Variants in ADAMTSL1 observed in about 807,000 individuals in gnomAD.
ADAMTSL1 encodes ADAMTS-like protein 1.
ADAMTSL1 carries 126 observed loss-of-function variants against 201.8 expected under a neutral mutation model. The ratio of observed to expected loss-of-function variants is 0.62; its 90% CI spans 0.54 to 0.72. The LOEUF is 0.72. Among genes scored for constraint, ADAMTSL1 ranks in the 30% least tolerant of loss-of-function variants. The pLI, the probability that ADAMTSL1 is intolerant of heterozygous loss-of-function variation, is 0.00. For synonymous variants in ADAMTSL1, 1,121 were observed against 903.4 expected (o/e 1.24, Z -4.32); for missense variants, 2,679 against 2,277.8 (o/e 1.18, Z -3.59).
intron 2 of ADAMTSL1, among the ~76,000 whole-genome samples, chr9:18,372,678 C>G (rs1837098718): frequency 6.6e-6 from 1 of 152,182 alleles, no homozygotes; most frequent in Non-Finnish European, 1.5e-5. Context: ...GCTCTATCAT[C>G]AGGGTCTTTT....
chr9:18,703,623 A>G (rs1045315871), intron 13 of ADAMTSL1, among the ~76,000 whole-genome samples: 9 of 148,442 alleles, frequency 6.1e-5, no homozygotes. Flanking sequence ...TGGGAGACAT[A>G]AAACAGATGT....
At chr9:18,907,592 A>T (rs1563910731) in intron 28 of ADAMTSL1, 1 of 152,346 alleles carries the variant, frequency 6.6e-6, no homozygotes, top group East Asian at 1.9e-4. Context: ...TAAAAACCAA[A>T]TGTAGCTGTG....
chr9:18,385,093 G>C (rs535713900), intron 2 of ADAMTSL1, among the ~76,000 whole-genome samples: 1 of 152,220 alleles, frequency 6.6e-6, no homozygotes, highest in East Asian at 1.9e-4. Context: ...ACAGTCAAAT[G>C]GGGTCACATT....
intron 16 of ADAMTSL1, among the ~76,000 whole-genome samples, chr9:18,762,745 A>G (rs1033125496): frequency 2.0e-5 from 3 of 152,060 alleles, no homozygotes; most frequent in African/African-American, 7.2e-5. Flanking sequence ...AAGTGAGAAC[A>G]TGTGATGTTT....
intron 2 of ADAMTSL1, among the ~76,000 whole-genome samples, chr9:18,402,087 C>T (rs1818009501): frequency 6.6e-6 from 1 of 152,196 alleles, no homozygotes; most frequent in South Asian, 2.1e-4. Context: ...ACCGAAATCT[C>T]TGCCTTCACC....
At chr9:18,551,093 AG>A (rs1444697715) in intron 3 of ADAMTSL1, among the ~76,000 whole-genome samples, 1 of 151,952 alleles carries the variant, frequency 6.6e-6, no homozygotes, top group Non-Finnish European at 1.5e-5. Context: ...AGAATCAAAA[AG>A]GATGGTAGAC....
intron 1 of ADAMTSL1, among the ~76,000 whole-genome samples, chr9:18,117,323 A>T (rs760573536): frequency 6.6e-6 from 1 of 152,074 alleles, no homozygotes; most frequent in African/African-American, 2.4e-5. Flanking sequence ...GTCTGACATC[A>T]TCTGGCCCTC....
intron 15 of ADAMTSL1, among the ~76,000 whole-genome samples, chr9:18,733,139 G>A (rs1445127023): frequency 6.6e-6 from 1 of 152,150 alleles, no homozygotes; most frequent in African/African-American, 2.4e-5. Flanking sequence ...CTCTCACACT[G>A]TCCTGGGTAC....
At chr9:18,076,049 A>T (rs1332754355) in intron 1 of ADAMTSL1, among the ~76,000 whole-genome samples, 1 of 152,230 alleles carries the variant, frequency 6.6e-6, no homozygotes, top group Non-Finnish European at 1.5e-5. Context: ...GAATGAGGAT[A>T]TTAGTTTTTC....
At chr9:17,941,716 C>G (rs1268475351) in intron 1 of ADAMTSL1, among the ~76,000 whole-genome samples, 1 of 152,080 alleles carries the variant, frequency 6.6e-6, no homozygotes. Context: ...AAATAGACTG[C>G]TGTCTTAGTC....
Position 18,461,597 on chromosome 9 carries a change from C to T in ADAMTSL1, c.208-43232C>T, listed in dbSNP as rs375766497. Reference sequence around the variant, plus strand: ...AATCTACCTAACCTCTTGTATTATTCCACTGGTATTCTAGAATAAAGTTTA... The same window carrying T: ...AATCTACCTAACCTCTTGTATTATTTCACTGGTATTCTAGAATAAAGTTTA... On this transcript the variant is annotated intron_variant, in intron 2 of 29. Coordinates refer to the ADAMTSL1 transcript ENST00000680146. 1.2e-4 allele frequency among the ~76,000 whole-genome samples: 19 copies of T among 152,026 alleles called. 1 individual carries two copies. In the South Asian group the frequency reaches 3.7e-3, roughly 30 times the overall value.
chr9:18,729,007 T>G (rs1234692486), intron 15 of ADAMTSL1, among the ~76,000 whole-genome samples: 3 of 152,224 alleles, frequency 2.0e-5, no homozygotes, highest in African/African-American at 7.2e-5. Flanking sequence ...CTTTTTCTCA[T>G]GTAGAGTCAA....
intron 1 of ADAMTSL1, among the ~76,000 whole-genome samples, chr9:18,493,350 TCTTTA>T (rs1393850973): frequency 1.3e-5 from 2 of 152,204 alleles, no homozygotes; most frequent in Non-Finnish European, 2.9e-5. Context: ...TAATAAGTAT[TCTTTA>T]CTTCTTTTTA....
intron 2 of ADAMTSL1, among the ~76,000 whole-genome samples, chr9:18,180,532 C>CAAAAAA (rs71333030): frequency 2.2e-5 from 2 of 92,128 alleles, no homozygotes; most frequent in Non-Finnish European, 2.0e-5. Context: ...GACTCCGTGT[C>CAAAAAA]AAAAAAAAAA....
In ADAMTSL1 at chr9:17,988,727, A is replaced by C. The variant is rs975554151; in HGVS notation, c.87+81805A>C. Among the ~76,000 whole-genome samples, 8 of 152,076 alleles carry C rather than the reference A, an allele frequency of 5.3e-5. No homozygotes were observed. The South Asian group carries it at 8.3e-4, about 16-fold the overall frequency. ...TCAGCATGAATGTGTTACTGCTTTC[A>C]ATTATCAGTGAACTCTTTTCCTTTT... On this transcript the variant is annotated intron_variant, in intron 1 of 29. Coordinates refer to the ADAMTSL1 transcript ENST00000680146.
At chr9:18,276,007 A>G (rs1238658263) in intron 2 of ADAMTSL1, among the ~76,000 whole-genome samples, 1 of 152,132 alleles carries the variant, frequency 6.6e-6, no homozygotes, top group Non-Finnish European at 1.5e-5. Flanking sequence ...TGGTTTCCCT[A>G]CAAGTGTCTC....
intron 1 of ADAMTSL1, among the ~76,000 whole-genome samples, chr9:18,052,280 A>G (rs1039188708): frequency 9.2e-5 from 14 of 152,232 alleles, no homozygotes; most frequent in Non-Finnish European, 2.1e-4. Flanking sequence ...ACATACTTTC[A>G]CACTTAGGTA....
chr9:18,697,956 C>T (rs2133284002), intron 13 of ADAMTSL1, among the ~76,000 whole-genome samples: 2 of 152,218 alleles, frequency 1.3e-5, no homozygotes, highest in South Asian at 4.1e-4. Context: ...AGCACAAAAC[C>T]TTACTAGTTG....
chr9:18,100,908 C>T (rs896339146), intron 1 of ADAMTSL1, among the ~76,000 whole-genome samples: 19 of 152,178 alleles, frequency 1.2e-4, no homozygotes, highest in Admixed American at 2.6e-4. Context: ...TTTCAAATGT[C>T]CCCATTTGTT....
Sources: allele counts gnomAD v4.1 joint callset (sites outside exome capture counted in the v4.1 genomes callset), GRCh38; gene constraint gnomAD v4.1.1; transcripts MANE v1.5; gene names NCBI Gene and HGNC (gene_info 2026-07-23, HGNC 2026-07-21).